Variants in RGS6 observed in about 807,000 individuals in gnomAD.
The protein encoded by RGS6 is regulator of G-protein signaling 6.
RGS6 carries 30 observed loss-of-function variants against 78.5 expected under a neutral mutation model. The observed-to-expected ratio is 0.38, with a 90% CI of 0.29 to 0.52. The LOEUF (loss-of-function observed/expected upper bound fraction) is 0.52, where lower values mean the gene tolerates loss of function less well. Ranked by LOEUF, RGS6 falls within the 20% of genes least tolerant of loss-of-function variation. RGS6 has a pLI of 0.85. For missense variants in RGS6, 495 were observed against 609.7 expected, an observed-to-expected ratio of 0.81 and a Z score of 1.98; for synonymous variants, 206 against 206.0, an observed-to-expected ratio of 1.00 and a Z score of 0.00.
chr14:72,548,174 G>T (rs879835426), intron 17 of RGS6, among the ~76,000 whole-genome samples: 5 of 152,136 alleles, frequency 3.3e-5, no homozygotes, highest in Non-Finnish European at 7.4e-5. Flanking sequence ...CCTTTTTGAT[G>T]ACTTGGATGA....
chr14:72,356,509 A>G (rs2080325053), intron 3 of RGS6, among the ~76,000 whole-genome samples: 1 of 152,212 alleles, frequency 6.6e-6, no homozygotes, highest in South Asian at 2.1e-4. Context: ...CTAAGCTATC[A>G]GCACTGGAGA....
the RGS6 span, among the ~76,000 whole-genome samples, chr14:72,591,030 G>T: frequency 6.6e-6 from 1 of 151,888 alleles, no homozygotes; most frequent in African/African-American, 2.4e-5. Context: ...ATGGTGTATG[G>T]GTACCAGTAT....
chr14:71,906,065 G>T, the RGS6 span, among the ~76,000 whole-genome samples: 2 of 152,280 alleles, frequency 1.3e-5, no homozygotes, highest in South Asian at 2.1e-4. Context: ...ACCATCTGAA[G>T]TCTCGATCTG....
intron 2 of RGS6, among the ~76,000 whole-genome samples, chr14:72,100,723 T>G (rs2095511690): frequency 6.6e-6 from 1 of 152,214 alleles, no homozygotes; most frequent in South Asian, 2.1e-4. Context: ...AGTTACTCAG[T>G]AAATATTTGT....
chr14:72,504,297 T>C (rs1345629083), intron 13 of RGS6, among the ~76,000 whole-genome samples: 1 of 152,232 alleles, frequency 6.6e-6, no homozygotes, highest in African/African-American at 2.4e-5. Context: ...TCTGGTTTCT[T>C]TTTGTGCTTA....
At chr14:71,957,617 G>A (rs1329205623) in intron 1 of RGS6, among the ~76,000 whole-genome samples, 3 of 152,148 alleles carry the variant, frequency 2.0e-5, no homozygotes, top group Non-Finnish European at 4.4e-5. Context: ...GCCCTGGTGA[G>A]AGAGGATGAC....
intron 2 of RGS6, among the ~76,000 whole-genome samples, chr14:72,341,463 A>G (rs1023892344): frequency 1.3e-5 from 2 of 152,208 alleles, no homozygotes; most frequent in African/African-American, 4.8e-5. Flanking sequence ...ATACATATGT[A>G]TGCAAGTACT....
chr14:72,454,712 T>G, intron 4 of RGS6, 134 bp downstream of exon 4: 1 of 627,138 alleles, frequency 1.6e-6, no homozygotes, highest in Non-Finnish European at 2.8e-6. Flanking sequence ...GGAATCACTC[T>G]ATTTACAAAT....
At chr14:71,883,936 G>A in the RGS6 span, among the ~76,000 whole-genome samples, 1 of 152,166 alleles carries the variant, frequency 6.6e-6, no homozygotes, top group African/African-American at 2.4e-5. Flanking sequence ...CCCCTGTTTA[G>A]CATATCATCA....
At chr14:72,095,255 T>C (rs1439861011) in intron 2 of RGS6, among the ~76,000 whole-genome samples, 1 of 152,120 alleles carries the variant, frequency 6.6e-6, no homozygotes, top group African/African-American at 2.4e-5. Flanking sequence ...CTGCAGGTAA[T>C]AGAAAACTGA....
At chr14:72,205,080 AT>A (rs2042408402) in intron 2 of RGS6, among the ~76,000 whole-genome samples, 2 of 152,210 alleles carry the variant, frequency 1.3e-5, no homozygotes. Context: ...GCAATACAAA[AT>A]ATGATTCCTA....
rs796698263 is a variant in RGS6, at chr14:72,548,342, T to TGTGTGTGTGCGCGC, written c.1422+8249_1422+8250insTGTGTGTGCGCGCG. Among the ~76,000 whole-genome samples the TGTGTGTGTGCGCGC allele has an allele frequency of 2.2e-4, 30 of 134,828 alleles. 1 individual carries two copies. Among genetic ancestry groups the TGTGTGTGTGCGCGC allele is most frequent in the Middle Eastern group, 3.6e-3 (1 of 278 alleles). The allele number at this position is 134,828 out of a possible 152,430, so 88.5% of individuals were successfully genotyped here. On this transcript the variant is annotated intron_variant, in intron 17 of 17. Transcript: ENST00000553525. ...CAGATCATATTTGTGTGTGTGTGTG[T>TGTGTGTGTGCGCGC]GCGCGCGTGTGTGTGTGTGTGTGTG...
intron 2 of RGS6, among the ~76,000 whole-genome samples, chr14:72,208,342 C>A (rs891043284): frequency 2.0e-5 from 3 of 152,196 alleles, no homozygotes; most frequent in African/African-American, 4.8e-5. Flanking sequence ...CCTGGTGATA[C>A]TGGGATGAGC....
At chr14:72,422,235 C>T (rs898757345) in intron 3 of RGS6, among the ~76,000 whole-genome samples, 1 of 152,114 alleles carries the variant, frequency 6.6e-6, no homozygotes, top group Non-Finnish European at 1.5e-5. Flanking sequence ...ATTGCCCAGT[C>T]TTAGGTATGT....
At chr14:71,911,427 T>C in the RGS6 span, among the ~76,000 whole-genome samples, 36 of 152,214 alleles carry the variant, frequency 2.4e-4, no homozygotes, top group Non-Finnish European at 4.7e-4. Context: ...CTGTTTTTCA[T>C]AGGGAAAATG....
chr14:72,284,192 C>G (rs1043626614), intron 2 of RGS6, among the ~76,000 whole-genome samples: 1 of 152,172 alleles, frequency 6.6e-6, no homozygotes, highest in African/African-American at 2.4e-5. Flanking sequence ...CCTGATGACG[C>G]AGTAGAAAAA....
intron 2 of RGS6, among the ~76,000 whole-genome samples, chr14:71,995,142 C>G (rs2095141458): frequency 6.6e-6 from 1 of 152,186 alleles, no homozygotes; most frequent in South Asian, 2.1e-4. Context: ...TCTCCAAACC[C>G]CTTTTCCCTC....
At chr14:72,073,189 A>C (rs1334657020) in intron 2 of RGS6, among the ~76,000 whole-genome samples, 1 of 152,242 alleles carries the variant, frequency 6.6e-6, no homozygotes, top group African/African-American at 2.4e-5. Flanking sequence ...TCTGCATCTC[A>C]GAGCATTGTT....
intron 1 of RGS6, among the ~76,000 whole-genome samples, chr14:71,935,753 C>A (rs1291307139): frequency 6.6e-6 from 1 of 151,968 alleles, no homozygotes; most frequent in African/African-American, 2.4e-5. Flanking sequence ...CCCTAAAGGG[C>A]AAAAGGTACT....
Sources: gnomAD v4.1 joint callset for allele counts (sites outside exome capture counted in the v4.1 genomes callset) on GRCh38, gnomAD v4.1.1 for gene constraint, MANE v1.5 for transcripts, NCBI Gene and HGNC (gene_info 2026-07-23, HGNC 2026-07-21) for gene names.